Variants in BDP1 observed in about 807,000 individuals in gnomAD.
BDP1 encodes transcription factor TFIIIB component B'' homolog.
A neutral mutation model predicts 266.6 loss-of-function variants in BDP1; 169 were observed. The observed-to-expected ratio is 0.63, with a 90% CI of 0.56 to 0.72. The LOEUF (loss-of-function observed/expected upper bound fraction) is 0.72, where lower values mean the gene tolerates loss of function less well. Among genes scored for constraint, BDP1 ranks in the 30% least tolerant of loss-of-function variants. BDP1 has a pLI of 0.00. For synonymous variants in BDP1, 1,090 were observed against 1,022.4 expected (o/e 1.07, Z -1.26); for missense variants, 3,015 against 3,053.8 (o/e 0.99, Z 0.30).
At chr5:71,508,621 T>C (rs1256648185) in intron 16 of BDP1, among the ~76,000 whole-genome samples, 1 of 152,192 alleles carries the variant, frequency 6.6e-6, no homozygotes, top group African/African-American at 2.4e-5. Context: ...TGTATAGTTA[T>C]ATACCTGTTC....
rs185007610 is a variant in BDP1, at chr5:71,473,875, T to C, written c.1014+3386T>C. On this transcript the variant is annotated intron_variant, in intron 7 of 38. Coordinates refer to ENST00000358731, the MANE Select transcript of BDP1 (RefSeq NM_018429.3). ...CCCCGGTGTGTGATGTTCCCCTTCCTGTGTCCATGTGTTCTCATTGTTCAA... is the reference window on the plus strand; with the variant it reads ...CCCCGGTGTGTGATGTTCCCCTTCCCGTGTCCATGTGTTCTCATTGTTCAA... Among the ~76,000 whole-genome samples the C allele has an allele frequency of 2.8e-5, 4 of 144,094 alleles. No individual in the cohort carries two copies. The East Asian group carries it at 8.5e-4, about 31-fold the overall frequency. The allele number at this position is 144,094 out of a possible 152,430, so 94.5% of individuals were successfully genotyped here. A position where few individuals can be genotyped will look rare whatever the true frequency, so the allele number is the denominator to read the frequency against.
chr5:71,562,862 G>GT (rs1322146715), intron 38 of BDP1: 1 of 1,295,342 alleles, frequency 7.7e-7, no homozygotes. Context: ...TTGTTCACAT[G>GT]TTTCATTTCT....
At chr5:71,559,592 A>G (rs1180318211) in intron 36 of BDP1, among the ~76,000 whole-genome samples, 1 of 152,228 alleles carries the variant, frequency 6.6e-6, no homozygotes, top group Non-Finnish European at 1.5e-5. Flanking sequence ...GAGAGTCTGT[A>G]GGTTTTACTT....
At chr5:71,471,058 T>C (rs1762211903) in intron 7 of BDP1, among the ~76,000 whole-genome samples, 1 of 151,516 alleles carries the variant, frequency 6.6e-6, no homozygotes, top group African/African-American at 2.4e-5. Flanking sequence ...CCAATAAAAA[T>C]GCACTGCAAC....
intron 2 of BDP1, among the ~76,000 whole-genome samples, chr5:71,461,452 A>AT (rs1761558711): frequency 1.3e-5 from 2 of 151,824 alleles, no homozygotes; most frequent in African/African-American, 4.8e-5. Context: ...CAAAAAAAAA[A>AT]AAACCCCACA....
chr5:71,539,039 T>A lies in BDP1; in HGVS notation c.5893-3T>A. Reference sequence around the variant, plus strand: ...AGATGTTACTTATTTTTTTCCTTTTTAGGAAATGACCACAAGTGAACATAT... The same window carrying A: ...AGATGTTACTTATTTTTTTCCTTTTAAGGAAATGACCACAAGTGAACATAT... On this transcript the variant is annotated splice_region_variant and splice_polypyrimidine_tract_variant and intron_variant, in intron 26 of 38. Transcript: ENST00000358731. 1 of 1,596,282 alleles carries A rather than the reference T, an allele frequency of 6.3e-7. No individual in the cohort carries two copies. The highest frequency in any genetic ancestry group is 8.6e-7 in the Non-Finnish European group (1 of 1,167,690).
chr5:71,563,911 A>C (rs958260958), intron 38 of BDP1, among the ~76,000 whole-genome samples: 1 of 152,184 alleles, frequency 6.6e-6, no homozygotes. Context: ...ATAAATAAAT[A>C]AATAAAAAGG....
chr5:71,543,939 C>A (rs1345786021), intron 30 of BDP1, among the ~76,000 whole-genome samples: 1 of 152,182 alleles, frequency 6.6e-6, no homozygotes, highest in South Asian at 2.1e-4. Flanking sequence ...CTCAAATTAC[C>A]TCTTCTATAT....
chr5:71,560,298 C>T (rs900140286), intron 37 of BDP1, 61 bp downstream of exon 37: 9 of 1,523,408 alleles, frequency 5.9e-6, no homozygotes, highest in African/African-American at 5.5e-5. Flanking sequence ...ATAACCTATA[C>T]AGAACAGATT....
chr5:71,463,922 T>C, intron 3 of BDP1, 136 bp from the exon 4 acceptor site: 1 of 543,678 alleles, frequency 1.8e-6, no homozygotes. Flanking sequence ...ATTGTTGGAT[T>C]GTACTGTCAT....
intron 25 of BDP1, among the ~76,000 whole-genome samples, chr5:71,525,158 G>C (rs553678021): frequency 0.017 from 2,651 of 152,138 alleles, 74 homozygotes; most frequent in African/African-American, 0.059. Context: ...AGTACACCTC[G>C]CAGACGGGGT....
At chr5:71,545,757 A>G (rs1440016290) in intron 32 of BDP1, among the ~76,000 whole-genome samples, 1 of 152,126 alleles carries the variant, frequency 6.6e-6, no homozygotes, top group Non-Finnish European at 1.5e-5. Flanking sequence ...GAACATGTAT[A>G]CATTATCCAG....
In BDP1 at chr5:71,564,999, A is replaced by G. The variant is rs1743940771; in HGVS notation, c.*114A>G. 1 of 942,364 alleles carries G rather than the reference A, an allele frequency of 1.1e-6. No individual in the cohort carries two copies. The highest frequency in any genetic ancestry group is 2.6e-5 in the East Asian group (1 of 38,322). 58.4% of individuals were successfully genotyped at this position (942,364 alleles called of 1,614,324 possible). ...CACTGTCTTATTTTTCTTTAGGTTG[A>G]TTTTGAATACTTAATGAGCTTGATT... On this transcript the variant is annotated 3_prime_UTR_variant, in exon 39 of 39. Transcript: ENST00000358731.
chr5:71,489,403 G>A lies in BDP1; in HGVS notation c.1214-1G>A. On this transcript the variant is annotated splice_acceptor_variant, in intron 9 of 38. Coordinates refer to ENST00000358731, the MANE Select transcript of BDP1 (RefSeq NM_018429.3). LOFTEE classifies it high-confidence loss of function. ...TTTATAGTAATTTCTCTTGTTTTCAGTGAAAAAAGTTGCCTGTGAAGGAGT... is the reference window on the plus strand; with the variant it reads ...TTTATAGTAATTTCTCTTGTTTTCAATGAAAAAAGTTGCCTGTGAAGGAGT... 1 of 1,576,546 alleles carries A rather than the reference G, an allele frequency of 6.3e-7. No individual in the cohort carries two copies. The highest frequency in any genetic ancestry group is 1.2e-5 in the South Asian group (1 of 84,402).
intron 1 of BDP1, 100 bp downstream of exon 1, chr5:71,456,189 G>A (rs1561657938): frequency 8.6e-7 from 1 of 1,167,110 alleles, no homozygotes; most frequent in Non-Finnish European, 1.2e-6. Context: ...GTCCGCTCTC[G>A]TTTGCAGTAA....
At position 71,502,726 on chromosome 5, in the gene BDP1, A is replaced by G. The variant is rs34588160; in HGVS notation, c.2176A>G (p.Ile726Val). 42 of 1,613,934 alleles carry G rather than the reference A, an allele frequency of 2.6e-5. No homozygotes were observed. Among genetic ancestry groups the G allele is most frequent in the Non-Finnish European group, 3.1e-5 (36 of 1,179,984 alleles). Reference protein sequence around the residue: ...GKAAERKEILISQEEIGANVE... With the variant: ...GKAAERKEILVSQEEIGANVE... ...AGCTGCTGAAAGAAAAGAAATTCTCATATCACAGGAAGAAATTGGGGCCAA... is the reference window on the plus strand; with the variant it reads ...AGCTGCTGAAAGAAAAGAAATTCTCGTATCACAGGAAGAAATTGGGGCCAA... The change falls in exon 15 of 39, where the codon ATA becomes GTA. Residue 726 changes from isoleucine to valine, a missense_variant. Physicochemically the swap from Ile to Val is conservative, Grantham distance 29. Transcript: ENST00000358731.
At chr5:71,460,713 A>G (rs1390693752) in intron 2 of BDP1, among the ~76,000 whole-genome samples, 1 of 152,092 alleles carries the variant, frequency 6.6e-6, no homozygotes, top group Non-Finnish European at 1.5e-5. Flanking sequence ...AGCCTCTAAA[A>G]ATGTTTTATG....
At chr5:71,464,737 T>TTTG (rs70992965) in intron 4 of BDP1, among the ~76,000 whole-genome samples, 1 of 144,676 alleles carries the variant, frequency 6.9e-6, no homozygotes, top group Non-Finnish European at 1.5e-5. Flanking sequence ...TTTTTTTTTT[T>TTTG]GAGATGGAGT....
At chr5:71,542,899 A>G (rs1252329768) in intron 30 of BDP1, among the ~76,000 whole-genome samples, 2 of 151,970 alleles carry the variant, frequency 1.3e-5, no homozygotes, top group African/African-American at 4.9e-5. Flanking sequence ...TGTTTTTTCA[A>G]CTCATGTCCT....
Sources: gnomAD v4.1 joint callset for allele counts (sites outside exome capture counted in the v4.1 genomes callset) on GRCh38, gnomAD v4.1.1 for gene constraint, MANE v1.5 for transcripts, NCBI Gene and HGNC (gene_info 2026-07-23, HGNC 2026-07-21) for gene names.